Variants in MNT observed in about 807,000 individuals in gnomAD.
MNT encodes MAX network transcriptional repressor, also known as max-binding protein MNT.
MNT carries 13 observed loss-of-function variants against 40.7 expected under a neutral mutation model. That is an observed-to-expected ratio of 0.32 (90% CI 0.21 to 0.51). MNT has a LOEUF of 0.51. MNT is among the 20% of genes least tolerant of loss of function. The pLI is 0.98. For synonymous variants in MNT, 426 were observed against 354.8 expected, an observed-to-expected ratio of 1.20 and a Z score of -2.26; for missense variants, 757 against 792.0, an observed-to-expected ratio of 0.96 and a Z score of 0.53.
chr17:2,397,315 G>C (rs2066584948), intron 1 of MNT, among the ~76,000 whole-genome samples: 1 of 152,154 alleles, frequency 6.6e-6, no homozygotes, highest in Non-Finnish European at 1.5e-5. Flanking sequence ...TTCTCAGTCG[G>C]GCACAGCCTC....
chr17:2,387,984 G>A lies in MNT; in HGVS notation c.873C>T (p.Ala291=), dbSNP rs918138967. The change falls in exon 5 of 6, where the codon GCC becomes GCT. Residue 291 remains alanine, a synonymous_variant. Coordinates refer to ENST00000174618, the MANE Select transcript of MNT (RefSeq NM_020310.3). ...EMERLAREKI[A]TQQRLAELKH... Reference sequence around the variant, plus strand: ...TGAGCTCTGCCAGCCGCTGCTGCGTGGCAATCTTCTCACGTGCCAGCCGCT... The same window carrying A: ...TGAGCTCTGCCAGCCGCTGCTGCGTAGCAATCTTCTCACGTGCCAGCCGCT... 3.1e-6 allele frequency: 5 copies of A among 1,589,090 alleles called. No homozygotes were observed. Among genetic ancestry groups the A allele is most frequent in the South Asian group, 1.1e-5 (1 of 88,332 alleles).
At chr17:2,390,473 G>A (rs1217693735) in intron 4 of MNT, 1 of 152,264 alleles carries the variant, frequency 6.6e-6, no homozygotes, top group Non-Finnish European at 1.5e-5. Context: ...AGAAGCAGAA[G>A]CCCTCCTGTG....
intron 3 of MNT, 28 bp downstream of exon 3, chr17:2,394,277 G>GCACGCGCGCGCACACACACACA: frequency 5.4e-6 from 8 of 1,487,680 alleles, no homozygotes; most frequent in Non-Finnish European, 7.2e-6. Flanking sequence ...ACGCACGCAC[G>GCACGCGCGCGCACACACACACA]CACACACACA....
chr17:2,388,084 G>A (rs777331124), intron 4 of MNT, 35 bp from the exon 5 acceptor site: 80 of 1,520,940 alleles, frequency 5.3e-5, no homozygotes, highest in Non-Finnish European at 6.8e-5. Context: ...AGGACACCCT[G>A]AGCAGCAGCC....
Position 2,387,866 on chromosome 17 carries a change from T to C in MNT, c.991A>G (p.Thr331Ala), listed in dbSNP as rs1318819755. The change falls in exon 5 of 6, where the codon ACC becomes GCC. Residue 331 changes from threonine (T) to alanine (A), a missense_variant. Transcript: ENST00000174618. ...GGGGGCTGGGGCTCACCAGAGGCGG[T>C]GGAGGTGGAGGCCTGGTCATCCTCG... Reference protein sequence around the residue: ...QPEDDQASTSTASEGEDNIDE... With the variant: ...QPEDDQASTSAASEGEDNIDE... 1 of 1,597,654 alleles carries C rather than the reference T, an allele frequency of 6.3e-7. No individual in the cohort carries two copies. Among genetic ancestry groups the C allele is most frequent in the Non-Finnish European group, 8.5e-7 (1 of 1,176,936 alleles).
At chr17:2,393,512 G>A (rs1183336658) in intron 4 of MNT, among the ~76,000 whole-genome samples, 1 of 152,166 alleles carries the variant, frequency 6.6e-6, no homozygotes, top group Non-Finnish European at 1.5e-5. Flanking sequence ...CCCCACACTC[G>A]GGCCGTGGCG....
chr17:2,395,898 A>AG (rs140618007), intron 1 of MNT, among the ~76,000 whole-genome samples: 22,575 of 151,802 alleles, frequency 0.15, 3,435 homozygotes, highest in African/African-American at 0.38. Flanking sequence ...TTCACACCAG[A>AG]GGGGGGGGTG....
intron 1 of MNT, 119 bp downstream of exon 1, chr17:2,400,521 T>G: frequency 2.1e-6 from 2 of 937,998 alleles, no homozygotes; most frequent in Non-Finnish European, 3.0e-6. Context: ...AGCCGTGCGC[T>G]GCCAGGCTCC....
chr17:2,388,128 T>A, intron 4 of MNT, 79 bp from the exon 5 acceptor site: 5 of 1,380,524 alleles, frequency 3.6e-6, no homozygotes, highest in Non-Finnish European at 4.9e-6. Flanking sequence ...CCTCTCCCTA[T>A]CAGCTGGCCC....
intron 4 of MNT, among the ~76,000 whole-genome samples, chr17:2,393,339 C>T (rs1325182443): frequency 6.6e-6 from 1 of 152,140 alleles, no homozygotes; most frequent in Non-Finnish European, 1.5e-5. Context: ...GCAGAGGGAG[C>T]GACGCCCAAA....
Position 2,395,127 on chromosome 17 carries a change from G to A in MNT, c.401C>T (p.Pro134Leu), listed in dbSNP as rs1329315568. The change falls in exon 2 of 6, where the codon CCT (proline) becomes CTT (leucine). Residue 134 changes from proline to leucine, a missense_variant. Coordinates refer to ENST00000174618, the MANE Select transcript of MNT (RefSeq NM_020310.3). ...VGAPGLSIKE[P>L]APLPSRPQVP... ...CTGCGGCCTGCTGGGCAGGGGGGCA[G>A]GCTCCTTAATGCTGAGTCCGGGGGC... is the stretch of plus-strand genomic sequence containing the variant. 2 of 1,477,750 alleles carry A rather than the reference G, an allele frequency of 1.4e-6. No homozygotes were observed. Among genetic ancestry groups the A allele is most frequent in the Admixed American group, 5.2e-5 (2 of 38,638 alleles). The allele number at this position is 1,477,750 out of a possible 1,614,324, so 91.5% of individuals were successfully genotyped here. A position where few individuals can be genotyped will look rare whatever the true frequency, so the allele number is the denominator to read the frequency against.
Position 2,394,277 on chromosome 17 carries a change from G to GCACACACACACACACACACACA in MNT, c.695+6_695+27dup, listed in dbSNP as rs35367394. On this transcript the variant is annotated intron_variant, in intron 3 of 5. Transcript: ENST00000174618. ...CCGGGTCGCGCGCGCACGCACGCAC[G>GCACACACACACACACACACACA]CACACACACACACACACACACACAC... 2.0e-4 allele frequency: 305 copies of GCACACACACACACACACACACA among 1,489,202 alleles called. 1 individual carries two copies. In the African/African-American group the frequency reaches 3.4e-3, roughly 17 times the overall value. The allele number at this position is 1,489,202 out of a possible 1,614,324, so 92.2% of individuals were successfully genotyped here. A position where few individuals can be genotyped will look rare whatever the true frequency, so the allele number is the denominator to read the frequency against.
rs61753101 is a variant in MNT at position 2,387,111 on chromosome 17, C to T, written c.1539G>A (p.Gln513=). ...GGGCGATGTGGCTCACTGCCACGGG[C>T]TGCGGGTACAAGGGCAGCTGGGAGC... ...HLGSQLPLYP[Q]PVAVSHIAHT... Residue 513 remains glutamine (Q), a synonymous_variant, in exon 6 of 6, where the codon CAG becomes CAA. Coordinates refer to ENST00000174618, the MANE Select transcript of MNT (RefSeq NM_020310.3). 2.2e-4 allele frequency: 349 copies of T among 1,585,042 alleles called. 7 individuals carry two copies. In the East Asian group the frequency reaches 4.0e-3, roughly 18 times the overall value.
chr17:2,387,735 T>C, intron 5 of MNT, 86 bp from the exon 6 acceptor site: 1 of 1,569,942 alleles, frequency 6.4e-7, no homozygotes, highest in Non-Finnish European at 8.7e-7. Flanking sequence ...GGCGTGGGAA[T>C]GTGATGGGGC....
At chr17:2,395,485 T>G (rs771096663) in intron 1 of MNT, 31 bp from the exon 2 acceptor site, 1 of 1,604,638 alleles carries the variant, frequency 6.2e-7, no homozygotes, top group Admixed American at 1.7e-5. Flanking sequence ...GGGGGGAGGG[T>G]CTCAGCGGGG....
Position 2,394,138 on chromosome 17 carries a change from C to T in MNT, c.712G>A (p.Glu238Lys). The T allele has an allele frequency of 1.2e-6, 2 of 1,608,994 alleles. No individual in the cohort carries two copies. The highest frequency in any genetic ancestry group is 1.7e-6 in the Non-Finnish European group (2 of 1,177,950). The change falls in exon 4 of 6, where the codon GAG (glutamate) becomes AAG (lysine). Residue 238 changes from glutamate (E) to lysine (K), a missense_variant. Around this residue, in one of 4 missense-constraint regions of MNT, gnomAD observed 73 missense variants for 100.8 expected, o/e 0.72. Coordinates refer to ENST00000174618, the MANE Select transcript of MNT (RefSeq NM_020310.3). ...LEKNRRAHLK[E>K]CFETLKRNIP... is the part of the protein sequence containing the mutation. Reference sequence around the variant, plus strand: ...TTCCGCTTCAGGGTCTCAAAGCACTCTTTCAGATGGGCCCTCCTGAAGAGA... The same window carrying T: ...TTCCGCTTCAGGGTCTCAAAGCACTTTTTCAGATGGGCCCTCCTGAAGAGA...
chr17:2,395,035 G>C lies in MNT; in HGVS notation c.493C>G (p.Pro165Ala), dbSNP rs771485349. The change falls in exon 2 of 6, where the codon CCT becomes GCT. Residue 165 changes from proline to alanine, a missense_variant. Transcript: ENST00000174618. ...ACAGGCGTGGGGAGGGGCTGCAAAG[G>C]CTTGGGGCTGCCATTGGGTGGAATG... ...ATIPPNGSPK[P>A]LQPLPTPVLT... is the part of the protein sequence containing the mutation. 2 of 1,586,974 alleles carry C rather than the reference G, an allele frequency of 1.3e-6. No individual in the cohort carries two copies. Among genetic ancestry groups the C allele is most frequent in the South Asian group, 2.3e-5 (2 of 87,036 alleles).
At chr17:2,397,319 C>T (rs966448539) in intron 1 of MNT, among the ~76,000 whole-genome samples, 2 of 152,096 alleles carry the variant, frequency 1.3e-5, no homozygotes, top group Non-Finnish European at 2.9e-5. Context: ...CAGTCGGGCA[C>T]AGCCTCAGTT....
chr17:2,388,276 A>G (rs530058761), intron 4 of MNT: 1 of 523,384 alleles, frequency 1.9e-6, no homozygotes, highest in South Asian at 2.6e-5. Flanking sequence ...GCACCACTGA[A>G]GCAAGCTCAA....
Sources: gnomAD v4.1 joint callset for allele counts (sites outside exome capture counted in the v4.1 genomes callset) on GRCh38, gnomAD v4.1.1 for gene constraint, gnomAD v4.1.1 regional missense constraint, MANE v1.5 for transcripts, NCBI Gene and HGNC (gene_info 2026-07-23, HGNC 2026-07-21) for gene names.